The following FANK1 variants were observed in gnomAD, a reference collection of about 807,000 sequenced individuals.
FANK1 encodes fibronectin type 3 and ankyrin repeat domains protein 1.
FANK1 carries 44 observed loss-of-function variants against 45.3 expected under a neutral mutation model. That is an observed-to-expected ratio of 0.97 (90% CI 0.76 to 1.25). The LOEUF is 1.25. Ranked by LOEUF, FANK1 falls within the 50% of genes most tolerant of loss-of-function variation. The probability of loss-of-function intolerance (pLI) is 0.00; values close to 1 mark genes in which losing one functional copy is unlikely to be tolerated. For missense variants in FANK1, 391 were observed against 424.4 expected (o/e 0.92, Z 0.69); for synonymous variants, 149 against 152.5 (o/e 0.98, Z 0.17).
chr10:125,900,649 GTTGTTTGTTTT>G (rs1266388200), intron 1 of FANK1, among the ~76,000 whole-genome samples: 2 of 151,996 alleles, frequency 1.3e-5, no homozygotes, highest in African/African-American at 4.8e-5. Flanking sequence ...TTGTTTGTTT[GTTGTTTGTTTT>G]TTGTTTTTTG....
intron 1 of FANK1, chr10:125,973,108 G>A (rs1479636934): frequency 6.6e-6 from 1 of 152,268 alleles, no homozygotes; most frequent in Non-Finnish European, 1.5e-5. Flanking sequence ...CACTGATGGA[G>A]ATCTCTCATT....
At position 125,980,200 on chromosome 10, in the gene FANK1, G is replaced by T; in HGVS notation, c.53G>T (p.Gly18Val). The stretch of plus-strand genomic sequence containing the variant: ...TCAAAGCCTCATCCACCTGTCGTGG[G>T]CAAAGTGACTCATCACAGCATTGAA... ...PPSKPHPPVV[G>V]KVTHHSIELY... The change falls in exon 2 of 11, where the codon GGC (glycine) becomes GTC (valine). Residue 18 changes from glycine to valine, a missense_variant. Gly to Val is a moderately radical substitution (Grantham distance 109). Coordinates refer to ENST00000368693, the MANE Select transcript of FANK1 (RefSeq NM_145235.5). 6.2e-7 allele frequency: 1 copy of T among 1,613,872 alleles called. No individual in the cohort carries two copies. Among genetic ancestry groups the T allele is most frequent in the South Asian group, 1.1e-5 (1 of 90,990 alleles).
intron 1 of FANK1, among the ~76,000 whole-genome samples, chr10:125,925,828 T>C (rs1024014432): frequency 2.6e-5 from 4 of 151,690 alleles, no homozygotes; most frequent in African/African-American, 9.8e-5. Flanking sequence ...TCCATTTGCA[T>C]GTATTTGTAT....
chr10:125,975,922 A>G (rs1471124721), intron 1 of FANK1, among the ~76,000 whole-genome samples: 1 of 152,146 alleles, frequency 6.6e-6, no homozygotes, highest in African/African-American at 2.4e-5. Context: ...TTACAGTGAC[A>G]CTAGTCTGTG....
At position 125,962,898 on chromosome 10, in the gene FANK1, AT is replaced by A. The variant is rs574484761; in HGVS notation, c.14-17259del. ...CAGAATTCTCACATAATTTGCACCC[AT>A]TTTCCCCTATTATTAACATTTTACA... is the stretch of plus-strand genomic sequence containing the variant. On this transcript the variant is annotated intron_variant, in intron 1 of 10. Coordinates refer to ENST00000368693, the MANE Select transcript of FANK1 (RefSeq NM_145235.5). Among the ~76,000 whole-genome samples the A allele has an allele frequency of 1.5e-3, 222 of 151,614 alleles. 1 individual carries two copies. The highest frequency in any genetic ancestry group is 5.2e-3 in the African/African-American group (214 of 41,330).
chr10:125,992,519 C>T (rs1952017262), intron 3 of FANK1, among the ~76,000 whole-genome samples: 1 of 152,162 alleles, frequency 6.6e-6, no homozygotes, highest in Non-Finnish European at 1.5e-5. Flanking sequence ...TCCCTTTGTT[C>T]TCAGAGTAAG....
At chr10:125,970,107 G>A (rs1223802977) in intron 1 of FANK1, among the ~76,000 whole-genome samples, 6 of 152,092 alleles carry the variant, frequency 3.9e-5, no homozygotes, top group South Asian at 4.1e-4. Flanking sequence ...AACCGCCATC[G>A]TCATCATGGC....
chr10:125,917,323 A>G (rs1040660103), intron 1 of FANK1, among the ~76,000 whole-genome samples: 52 of 152,324 alleles, frequency 3.4e-4, no homozygotes, highest in African/African-American at 1.2e-3. Flanking sequence ...AGGTTTTTCT[A>G]TTCTGTTTCC....
chr10:126,006,472 A>G (rs11244764), intron 7 of FANK1, among the ~76,000 whole-genome samples: 94,965 of 152,152 alleles, frequency 0.62, 30,426 homozygotes, highest in East Asian at 0.77. Context: ...TGACAGCCAC[A>G]CACTCCTTGA....
At chr10:125,940,104 C>T (rs1948352705) in intron 1 of FANK1, among the ~76,000 whole-genome samples, 1 of 152,070 alleles carries the variant, frequency 6.6e-6, no homozygotes, top group African/African-American at 2.4e-5. Flanking sequence ...TGTCGCTCCA[C>T]ACCTGTGGGT....
chr10:125,978,426 A>G (rs918868022), intron 1 of FANK1, among the ~76,000 whole-genome samples: 1 of 151,716 alleles, frequency 6.6e-6, no homozygotes, highest in Non-Finnish European at 1.5e-5. Context: ...CAGCTAAGGC[A>G]CCTGAACAGT....
chr10:125,988,923 A>G, intron 3 of FANK1: 1 of 609,820 alleles, frequency 1.6e-6, no homozygotes, highest in South Asian at 1.8e-5. Context: ...GCCATTCAGC[A>G]CAAAAGGGTG....
chr10:126,004,160 T>TAC (rs1385330580), intron 6 of FANK1: 2 of 132,262 alleles, frequency 1.5e-5, no homozygotes, highest in African/African-American at 2.9e-5. Flanking sequence ...ATTTTATCCT[T>TAC]AAAAAAAAAA....
chr10:125,915,180 T>G (rs183664668), intron 1 of FANK1, among the ~76,000 whole-genome samples: 4 of 152,210 alleles, frequency 2.6e-5, no homozygotes, highest in Non-Finnish European at 5.9e-5. Flanking sequence ...GGCCACACTT[T>G]GAGAAGCATG....
At chr10:125,991,382 G>A (rs1951933635) in intron 3 of FANK1, among the ~76,000 whole-genome samples, 2 of 152,096 alleles carry the variant, frequency 1.3e-5, no homozygotes, top group Non-Finnish European at 2.9e-5. Flanking sequence ...GGGTGGTGAG[G>A]ATCAGGTGTC....
At position 125,950,560 on chromosome 10, in the gene FANK1, C is replaced by T. The variant is rs577895831; in HGVS notation, c.14-29601C>T. Among the ~76,000 whole-genome samples the T allele has an allele frequency of 6.5e-3, 996 of 152,254 alleles. 6 individuals carry two copies. Among genetic ancestry groups the T allele is most frequent in the Admixed American group, 0.012 (189 of 15,280 alleles). ...ATCAGAGAAATGCAAATCAAAACCA[C>T]AATGAGATACCATCTCACACCAGTT... On this transcript the variant is annotated intron_variant, in intron 1 of 10. Transcript: ENST00000368693.
chr10:125,996,642 T>C lies in FANK1; in HGVS notation c.473+18T>C. 1.2e-6 allele frequency: 2 copies of C among 1,610,946 alleles called. No homozygotes were observed. Among genetic ancestry groups the C allele is most frequent in the Non-Finnish European group, 1.7e-6 (2 of 1,177,866 alleles). On this transcript the variant is annotated intron_variant, in intron 5 of 10. Coordinates refer to ENST00000368693, the MANE Select transcript of FANK1 (RefSeq NM_145235.5). The stretch of plus-strand genomic sequence containing the variant: ...TACACCAGGTATGGCTCTTCTTTTT[T>C]TTAAATCTCTCTTGGGGATTTAACT...
chr10:125,969,439 T>C (rs928621028), intron 1 of FANK1, among the ~76,000 whole-genome samples: 1 of 152,072 alleles, frequency 6.6e-6, no homozygotes, highest in African/African-American at 2.4e-5. Flanking sequence ...AAAAGTAGCA[T>C]GTAAGTTGTG....
intron 1 of FANK1, among the ~76,000 whole-genome samples, chr10:125,930,095 C>T (rs1947647963): frequency 6.6e-6 from 1 of 152,112 alleles, no homozygotes; most frequent in Admixed American, 6.6e-5. Flanking sequence ...TGCTCTGTCA[C>T]CCAGGCTGGA....
Sources: allele counts gnomAD v4.1 joint callset (sites outside exome capture counted in the v4.1 genomes callset), GRCh38; gene constraint gnomAD v4.1.1; transcripts MANE v1.5; gene names NCBI Gene and HGNC (gene_info 2026-07-23, HGNC 2026-07-21).